Variants in DYNC1LI2 observed in about 807,000 individuals in gnomAD.
The protein encoded by DYNC1LI2 is cytoplasmic dynein 1 light intermediate chain 2.
Under a neutral mutation model 57.8 loss-of-function variants are expected in DYNC1LI2, and 19 were observed. The observed-to-expected ratio is 0.33, with a 90% CI of 0.23 to 0.48. DYNC1LI2 has a LOEUF of 0.48. Among genes scored for constraint, DYNC1LI2 ranks in the 20% least tolerant of loss-of-function variants. The pLI is 0.99. For missense variants in DYNC1LI2, 470 were observed against 604.2 expected (o/e 0.78, Z 2.33); for synonymous variants, 256 against 233.4 (o/e 1.10, Z -0.88).
At chr16:66,725,608 C>A (rs2017524424) in intron 12 of DYNC1LI2, among the ~76,000 whole-genome samples, 1 of 152,196 alleles carries the variant, frequency 6.6e-6, no homozygotes, top group Non-Finnish European at 1.5e-5. Context: ...CCCGAGAACC[C>A]AAATGTACAC....
chr16:66,748,277 C>CAAA (rs36186799), intron 3 of DYNC1LI2, among the ~76,000 whole-genome samples: 6 of 66,054 alleles, frequency 9.1e-5, no homozygotes, highest in Non-Finnish European at 1.5e-4. Context: ...AACCCTGTCT[C>CAAA]AAAAAAAAAA....
In DYNC1LI2 at chr16:66,722,317, C is replaced by G. The variant is rs2017462687; in HGVS notation, c.*1405G>C. 1 of 152,600 alleles carries G rather than the reference C, an allele frequency of 6.6e-6. No homozygotes were observed. Among genetic ancestry groups the G allele is most frequent in the Admixed American group, 6.5e-5 (1 of 15,286 alleles). 9.5% of individuals were successfully genotyped at this position (152,600 alleles called of 1,614,324 possible). A position where few individuals can be genotyped will look rare whatever the true frequency, so the allele number is the denominator to read the frequency against. On this transcript the variant is annotated 3_prime_UTR_variant, in exon 13 of 13. Transcript: ENST00000258198. ...ATTCATATAAAAAAAGTAAACTCCACATGGTGAACTGTGGTTTTTTCCCTT... is the reference window on the plus strand; with the variant it reads ...ATTCATATAAAAAAAGTAAACTCCAGATGGTGAACTGTGGTTTTTTCCCTT...
intron 4 of DYNC1LI2, among the ~76,000 whole-genome samples, chr16:66,738,499 C>G (rs2017778293): frequency 6.6e-6 from 1 of 151,898 alleles, no homozygotes; most frequent in Non-Finnish European, 1.5e-5. Flanking sequence ...ATCCACCCAC[C>G]TCAGTCTCCC....
chr16:66,733,224 A>T (rs2017671114), intron 6 of DYNC1LI2: 1 of 152,248 alleles, frequency 6.6e-6, no homozygotes, highest in African/African-American at 2.4e-5. Flanking sequence ...TGATAAAATG[A>T]TCACATTAAA....
intron 3 of DYNC1LI2, among the ~76,000 whole-genome samples, chr16:66,747,082 ATT>A (rs10671755): frequency 1.4e-5 from 2 of 142,822 alleles, no homozygotes; most frequent in Non-Finnish European, 1.5e-5. Flanking sequence ...TGCCCTCAAC[ATT>A]TTTTTTTTTT....
rs758721680 is a variant in DYNC1LI2, at chr16:66,736,178, C to G, written c.596G>C (p.Gly199Ala). The G allele has an allele frequency of 6.2e-7, 1 of 1,614,136 alleles. No homozygotes were observed. The highest frequency in any genetic ancestry group is 1.1e-5 in the South Asian group (1 of 91,080). The change falls in exon 5 of 13, where the codon GGC becomes GCC. Residue 199 changes from glycine to alanine, a missense_variant. By Grantham distance (60) the Gly-to-Ala change is moderately conservative. Transcript: ENST00000258198. ...EGCQGSPQRR[G>A]PLTSGSDEEN... ...TTCATCGGAGCCTGAGGTCAGAGGG[C>G]CTCTTCTCTGTGGGGAACCTTGACA... is the stretch of plus-strand genomic sequence containing the variant.
At chr16:66,735,915 A>C (rs899522813) in intron 5 of DYNC1LI2, among the ~76,000 whole-genome samples, 160 bp downstream of exon 5, 4 of 152,216 alleles carry the variant, frequency 2.6e-5, no homozygotes, top group African/African-American at 9.7e-5. Flanking sequence ...TCCAATTTAC[A>C]TGATAATTTT....
At chr16:66,749,368 G>T in intron 2 of DYNC1LI2, 55 bp from the exon 3 acceptor site, 1 of 1,538,446 alleles carries the variant, frequency 6.5e-7, no homozygotes. Flanking sequence ...GCAAGGATGG[G>T]GAGGCATGAC....
In DYNC1LI2 at chr16:66,723,489, A is replaced by G; in HGVS notation, c.*233T>C. 4.9e-6 allele frequency: 3 copies of G among 612,590 alleles called. No homozygotes were observed. Among genetic ancestry groups the G allele is most frequent in the Non-Finnish European group, 9.1e-6 (3 of 329,386 alleles). 37.9% of individuals were successfully genotyped at this position (612,590 alleles called of 1,614,324 possible). Reference sequence around the variant, plus strand: ...CAGATGTGCTTGCCTCCCACAAAAGAGCCACATGCCCCAGAGTCCAAGGGT... The same window carrying G: ...CAGATGTGCTTGCCTCCCACAAAAGGGCCACATGCCCCAGAGTCCAAGGGT... On this transcript the variant is annotated 3_prime_UTR_variant, in exon 13 of 13. Coordinates refer to ENST00000258198, the MANE Select transcript of DYNC1LI2 (RefSeq NM_006141.3).
Position 66,727,715 on chromosome 16 carries a change from C to A in DYNC1LI2, c.1234G>T (p.Val412Leu). The A allele has an allele frequency of 1.9e-6, 3 of 1,614,118 alleles. No homozygotes were observed. Among genetic ancestry groups the A allele is most frequent in the Non-Finnish European group, 2.5e-6 (3 of 1,179,998 alleles). The change falls in exon 11 of 13, where the codon GTA (valine) becomes TTA (leucine). Residue 412 changes from valine to leucine, a missense_variant. Physicochemically the swap from Val to Leu is conservative, Grantham distance 32. Coordinates refer to ENST00000258198, the MANE Select transcript of DYNC1LI2 (RefSeq NM_006141.3). The part of the protein sequence containing the change: ...SVPSSSPGTS[V>L]KKPDPNIKNN... ...TTGATGTTTGGGTCCGGCTTTTTTA[C>A]TGACGTGCCTGGGGAGGAGCTAGGC...
intron 11 of DYNC1LI2, 90 bp from the exon 12 acceptor site, chr16:66,726,034 T>C (rs2017531285): frequency 4.6e-6 from 6 of 1,317,416 alleles, no homozygotes; most frequent in Non-Finnish European, 6.3e-6. Context: ...ATTAGCCACT[T>C]GTGGCTATCA....
At chr16:66,735,100 G>GTTTTT (rs71145936) in intron 5 of DYNC1LI2, among the ~76,000 whole-genome samples, 31 of 134,772 alleles carry the variant, frequency 2.3e-4, no homozygotes, top group Non-Finnish European at 2.8e-4. Context: ...AACTTTGTTT[G>GTTTTT]TTTTTTTTTT....
At chr16:66,740,177 C>A (rs2017811188) in intron 4 of DYNC1LI2, among the ~76,000 whole-genome samples, 1 of 152,208 alleles carries the variant, frequency 6.6e-6, no homozygotes, top group Admixed American at 6.5e-5. Context: ...CTCAGATGAT[C>A]CCTGCAGCCA....
At chr16:66,737,511 T>A (rs7201266) in intron 4 of DYNC1LI2, among the ~76,000 whole-genome samples, 30,665 of 88,052 alleles carry the variant, frequency 0.35, 6,128 homozygotes, top group African/African-American at 0.58. Context: ...AAAAAAAAAA[T>A]GCTTAATGAA....
In DYNC1LI2 at chr16:66,723,757, TAG is replaced by T. The variant is rs2017489290; in HGVS notation, c.1442_1443del (p.Ser481TyrfsTer10). 1 of 1,609,690 alleles carries T rather than the reference TAG, an allele frequency of 6.2e-7. No homozygotes were observed. The highest frequency in any genetic ancestry group is 8.5e-7 in the Non-Finnish European group (1 of 1,179,210). On this transcript the variant is annotated frameshift_variant, in exon 13 of 13. Transcript: ENST00000258198. LOFTEE classifies it high-confidence loss of function. ...TTTTCTGTTGAAGAGTTTGTTACCA[TAG>T]AGTCTGGCTTTCGAGTCATTCTATC... ...ELDRMTRKPD[S>X]MVTNSSTENE...
At position 66,749,230 on chromosome 16, in the gene DYNC1LI2, G is replaced by C. The variant is rs370142713; in HGVS notation, c.265C>G (p.Leu89Val). ...HGKKGRGLEY[L>V]YLSVHDEDRD... ...TCCTCATCATGGACACTGAGGTAGA[G>C]ATATTCTAGGCCTCTTCCTTTTTTG... is the stretch of plus-strand genomic sequence containing the variant. The change falls in exon 3 of 13, where the codon CTC becomes GTC. Residue 89 changes from leucine to valine, a missense_variant. Transcript: ENST00000258198. 6 of 1,614,216 alleles carry C rather than the reference G, an allele frequency of 3.7e-6. No individual in the cohort carries two copies. The highest frequency in any genetic ancestry group is 5.1e-6 in the Non-Finnish European group (6 of 1,180,050).
chr16:66,725,850 C>T lies in DYNC1LI2; in HGVS notation c.1356G>A (p.Val452=), dbSNP rs1411021921. 1.2e-6 allele frequency: 2 copies of T among 1,614,134 alleles called. No homozygotes were observed. Among genetic ancestry groups the T allele is most frequent in the Middle Eastern group, 1.6e-4 (1 of 6,062 alleles). The change falls in exon 12 of 13, where the codon GTG becomes GTA. Residue 452 remains valine (V), a synonymous_variant. Transcript: ENST00000258198. Reference sequence around the variant, plus strand: ...TACCTGACTTCTTGGCTGTGCTCTGCACCCCACCAGCACCAGGACTTCCAG... The same window carrying T: ...TACCTGACTTCTTGGCTGTGCTCTGTACCCCACCAGCACCAGGACTTCCAG... The part of the protein sequence containing the change: ...GSPGSPGAGG[V]QSTAKKSGQK...
intron 11 of DYNC1LI2, among the ~76,000 whole-genome samples, chr16:66,726,196 C>G (rs762050045): frequency 2.0e-5 from 3 of 152,216 alleles, no homozygotes; most frequent in African/African-American, 7.2e-5. Flanking sequence ...ACCACCTCCC[C>G]GTCCATGAGA....
intron 5 of DYNC1LI2, 98 bp from the exon 6 acceptor site, chr16:66,734,409 A>G: frequency 8.9e-7 from 1 of 1,128,686 alleles, no homozygotes. Flanking sequence ...GCTCCAAAGA[A>G]GAAAGCCACA....
Sources: gnomAD v4.1 joint callset for allele counts (sites outside exome capture counted in the v4.1 genomes callset) on GRCh38, gnomAD v4.1.1 for gene constraint, MANE v1.5 for transcripts, NCBI Gene and HGNC (gene_info 2026-07-23, HGNC 2026-07-21) for gene names.